SPOUT1: variants seen among roughly 807,000 people sequenced by gnomAD.
SPOUT1 encodes 28S rRNA (uridine-N(3))-methyltransferase.
Under a neutral mutation model 54.8 loss-of-function variants are expected in SPOUT1, and 40 were observed. That is an observed-to-expected ratio of 0.73 (90% CI 0.57 to 0.95). The LOEUF is 0.95. SPOUT1 is among the 40% of genes least tolerant of loss of function. The probability of loss-of-function intolerance (pLI) is 0.00; values close to 1 mark genes in which losing one functional copy is unlikely to be tolerated. For missense variants in SPOUT1, 437 were observed against 499.5 expected (o/e 0.87, Z 1.19); for synonymous variants, 193 against 200.3 (o/e 0.96, Z 0.31).
At chr9:128,822,878 G>C (rs747589955) in intron 11 of SPOUT1, 45 bp from the exon 12 acceptor site, 16 of 1,422,904 alleles carry the variant, frequency 1.1e-5, no homozygotes, top group Non-Finnish European at 1.4e-5. Context: ...GGGGGCTAGC[G>C]GGTGCCCCCG....
Position 128,822,239 on chromosome 9 carries a change from T to C in SPOUT1, c.*526A>G. Reference sequence around the variant, plus strand: ...CGTGGTCCTGCAGGTTGACAGAAGTTAGAGGACAGATCAGGGAAGGCTGCC... The same window carrying C: ...CGTGGTCCTGCAGGTTGACAGAAGTCAGAGGACAGATCAGGGAAGGCTGCC... On this transcript the variant is annotated 3_prime_UTR_variant, in exon 12 of 12. Coordinates refer to ENST00000361256, the MANE Select transcript of SPOUT1 (RefSeq NM_016390.4). The C allele has an allele frequency of 6.7e-7, 1 of 1,497,922 alleles. No individual in the cohort carries two copies. The highest frequency in any genetic ancestry group is 9.0e-7 in the Non-Finnish European group (1 of 1,113,386). 92.8% of individuals were successfully genotyped at this position (1,497,922 alleles called of 1,614,324 possible).
intron 11 of SPOUT1, among the ~76,000 whole-genome samples, chr9:128,823,170 GTA>G (rs1250104058): frequency 1.3e-5 from 2 of 152,162 alleles, no homozygotes; most frequent in Admixed American, 1.3e-4. Flanking sequence ...CTGCTGGGGG[GTA>G]TGGCTGTCAG....
chr9:128,823,973 C>A (rs1043523621), intron 10 of SPOUT1, 79 bp from the exon 11 acceptor site: 34 of 1,586,122 alleles, frequency 2.1e-5, no homozygotes, highest in Middle Eastern at 1.8e-4. Flanking sequence ...AGTCCCTCCC[C>A]ACCCCAGACA....
rs749091591 is a variant in SPOUT1 at position 128,821,523 on chromosome 9, G to T, written c.*1242C>A. 1.9e-5 allele frequency: 3 copies of T among 154,706 alleles called. No homozygotes were observed. Among genetic ancestry groups the T allele is most frequent in the Non-Finnish European group, 2.9e-5 (2 of 69,888 alleles). 9.6% of individuals were successfully genotyped at this position (154,706 alleles called of 1,614,324 possible). A position where few individuals can be genotyped will look rare whatever the true frequency, so the allele number is the denominator to read the frequency against. On this transcript the variant is annotated 3_prime_UTR_variant, in exon 12 of 12. Coordinates refer to ENST00000361256, the MANE Select transcript of SPOUT1 (RefSeq NM_016390.4). ...CACCCTTCTCGGGAGTTTGAATCTA[G>T]ATCTGCCTGACCCAGGGCCTCCACT...
Position 128,822,271 on chromosome 9 carries a change from AGG to A in SPOUT1, c.*492_*493del. 3 of 1,577,946 alleles carry A rather than the reference AGG, an allele frequency of 1.9e-6. No homozygotes were observed. The highest frequency in any genetic ancestry group is 2.6e-6 in the Non-Finnish European group (3 of 1,162,736). ...CAGATCAGGGAAGGCTGCCTGGAAG[AGG>A]TGGCTTTGGGTTCATCCAGGCCCCC... On this transcript the variant is annotated 3_prime_UTR_variant, in exon 12 of 12. Coordinates refer to ENST00000361256, the MANE Select transcript of SPOUT1 (RefSeq NM_016390.4).
Position 128,822,195 on chromosome 9 carries a change from A to C in SPOUT1, c.*570T>G. ...CTCAAGGAGGAGCCAGGCAGGCTACAGAAGTCTCACAGTGAGGGCGTGGTC... is the reference window on the plus strand; with the variant it reads ...CTCAAGGAGGAGCCAGGCAGGCTACCGAAGTCTCACAGTGAGGGCGTGGTC... On this transcript the variant is annotated 3_prime_UTR_variant, in exon 12 of 12. Transcript: ENST00000361256. 9.4e-7 allele frequency: 1 copy of C among 1,058,414 alleles called. No individual in the cohort carries two copies. Among genetic ancestry groups the C allele is most frequent in the Non-Finnish European group, 1.3e-6 (1 of 745,750 alleles). The allele number at this position is 1,058,414 out of a possible 1,614,324, so 65.6% of individuals were successfully genotyped here.
In SPOUT1 at chr9:128,827,142, A is replaced by G. The variant is rs758557512; in HGVS notation, c.258T>C (p.Asn86=). ...SVALPGSILD[N]AQSPELRTYL... ...AGGTGCGAAGCTCCGGCGACTGAGC[A>G]TTGTCCAGGATGGAGCCCGGCAGGG... The change falls in exon 4 of 12, where the codon AAT becomes AAC. Residue 86 remains asparagine (N), a synonymous_variant. Transcript: ENST00000361256. 12 of 1,614,014 alleles carry G rather than the reference A, an allele frequency of 7.4e-6. No individual in the cohort carries two copies. Among genetic ancestry groups the G allele is most frequent in the Non-Finnish European group, 1.0e-5 (12 of 1,180,014 alleles).
chr9:128,825,158 G>C (rs1266558629), intron 7 of SPOUT1, 109 bp from the exon 8 acceptor site: 1 of 767,794 alleles, frequency 1.3e-6, no homozygotes, highest in Non-Finnish European at 2.2e-6. Context: ...GGACCAAGGG[G>C]TCCAGGTCAA....
intron 1 of SPOUT1, 101 bp from the exon 2 acceptor site, chr9:128,829,256 G>C (rs1830302270): frequency 2.9e-6 from 3 of 1,040,228 alleles, no homozygotes; most frequent in Non-Finnish European, 3.0e-6. Flanking sequence ...ACACGGGGCG[G>C]CAAGGAAGCC....
At position 128,823,909 on chromosome 9, in the gene SPOUT1, AGG is replaced by A. The variant is rs1564434892; in HGVS notation, c.915-17_915-16del. ...CAAGAGCATGCCTGGCCCATGTAAG[AGG>A]GGGTCACCTGAGCGGCCACCGAGGC... On this transcript the variant is annotated splice_polypyrimidine_tract_variant and intron_variant, in intron 10 of 11. Coordinates refer to ENST00000361256, the MANE Select transcript of SPOUT1 (RefSeq NM_016390.4). The A allele has an allele frequency of 3.7e-6, 6 of 1,611,644 alleles. No homozygotes were observed. Among genetic ancestry groups the A allele is most frequent in the South Asian group, 3.3e-5 (3 of 90,858 alleles).
At chr9:128,827,624 C>T (rs572570487) in intron 3 of SPOUT1, among the ~76,000 whole-genome samples, 1 of 152,374 alleles carries the variant, frequency 6.6e-6, no homozygotes, top group African/African-American at 2.4e-5. Context: ...AAGTCAAATA[C>T]ATGGCCCAAG....
At position 128,827,235 on chromosome 9, in the gene SPOUT1, G is replaced by T. The variant is rs375577631; in HGVS notation, c.209-44C>A. The T allele has an allele frequency of 7.6e-5, 118 of 1,553,716 alleles. 1 individual carries two copies. In the Middle Eastern group the frequency reaches 2.8e-3, roughly 36 times the overall value. On this transcript the variant is annotated intron_variant, in intron 3 of 11. Coordinates refer to ENST00000361256, the MANE Select transcript of SPOUT1 (RefSeq NM_016390.4). ...TTCCCAGCCAGTGTGAGAGGCAAGG[G>T]CCCCCTACCTTTCTCTCCCTTCCTC...
chr9:128,825,862 C>CT, intron 7 of SPOUT1, 160 bp downstream of exon 7: 1 of 799,680 alleles, frequency 1.3e-6, no homozygotes. Flanking sequence ...TCATTCCTGG[C>CT]TTTATCTATT....
rs2132586026 is a variant in SPOUT1, at chr9:128,822,631, G to A, written c.*134C>T. On this transcript the variant is annotated 3_prime_UTR_variant, in exon 12 of 12. Coordinates refer to ENST00000361256, the MANE Select transcript of SPOUT1 (RefSeq NM_016390.4). The stretch of plus-strand genomic sequence containing the variant: ...AGTGAGGGTGGAGCCCAGTGAGACT[G>A]TGGGTGTGTGCAGGCCGGGGAGTAT... The A allele has an allele frequency of 6.4e-7, 1 of 1,562,464 alleles. No homozygotes were observed. The highest frequency in any genetic ancestry group is 8.7e-7 in the Non-Finnish European group (1 of 1,152,844).
At position 128,821,181 on chromosome 9, in the gene SPOUT1, G is replaced by C; in HGVS notation, c.*1584C>G. The C allele has an allele frequency of 3.0e-6, 1 of 333,896 alleles. No homozygotes were observed. The highest frequency in any genetic ancestry group is 3.2e-5 in the South Asian group (1 of 30,842). The allele number at this position is 333,896 out of a possible 1,614,324, so 20.7% of individuals were successfully genotyped here. ...CCCCCGCAGGTCTGCAGTGCACCAAGCTCTCCCACCTTCCCCCCGCAGGTC... is the reference window on the plus strand; with the variant it reads ...CCCCCGCAGGTCTGCAGTGCACCAACCTCTCCCACCTTCCCCCCGCAGGTC... On this transcript the variant is annotated 3_prime_UTR_variant, in exon 12 of 12. Coordinates refer to ENST00000361256, the MANE Select transcript of SPOUT1 (RefSeq NM_016390.4).
chr9:128,825,079 A>AT, intron 7 of SPOUT1, 30 bp from the exon 8 acceptor site: 1 of 1,512,728 alleles, frequency 6.6e-7, no homozygotes, highest in Non-Finnish European at 9.0e-7. Flanking sequence ...AATGGGTGCC[A>AT]TTCCTCTCAA....
Position 128,826,263 on chromosome 9 carries a change from A to C in SPOUT1, c.509-111T>G. On this transcript the variant is annotated intron_variant, in intron 6 of 11. Coordinates refer to ENST00000361256, the MANE Select transcript of SPOUT1 (RefSeq NM_016390.4). The surrounding 1 kb of genome is among the most constrained non-coding windows in gnomAD (Gnocchi z 5.5). Reference sequence around the variant, plus strand: ...CCACAGACCTGCGTCTTGGCATCAGACACAGGTCTTGCTCTCCCAGGCCTG... The same window carrying C: ...CCACAGACCTGCGTCTTGGCATCAGCCACAGGTCTTGCTCTCCCAGGCCTG... 6.4e-7 allele frequency: 1 copy of C among 1,556,446 alleles called. No individual in the cohort carries two copies. The highest frequency in any genetic ancestry group is 8.8e-7 in the Non-Finnish European group (1 of 1,132,916).
At chr9:128,829,082 G>C in intron 2 of SPOUT1, 28 bp downstream of exon 2, 1 of 1,604,838 alleles carries the variant, frequency 6.2e-7, no homozygotes, top group Non-Finnish European at 8.5e-7. Flanking sequence ...TGGCCTATGG[G>C]AAGATACTCT....
chr9:128,823,687 G>GC (rs1360167855), intron 11 of SPOUT1, 60 bp downstream of exon 11: 25 of 1,474,752 alleles, frequency 1.7e-5, no homozygotes, highest in Non-Finnish European at 2.3e-5. Flanking sequence ...AGTAGCACCC[G>GC]CCCCTCGGAC....
Sources: gnomAD v4.1 joint callset for allele counts (sites outside exome capture counted in the v4.1 genomes callset) on GRCh38, gnomAD v4.1.1 for gene constraint, Gnocchi (gnomAD v3.1) non-coding constraint, MANE v1.5 for transcripts, NCBI Gene and HGNC (gene_info 2026-07-23, HGNC 2026-07-21) for gene names.